The following CEP350 variants were observed in gnomAD, a reference collection of about 807,000 sequenced individuals.
CEP350 encodes centrosomal protein 350, also known as centrosome-associated protein 350.
CEP350 carries 126 observed loss-of-function variants against 331.8 expected under a neutral mutation model. The observed-to-expected ratio is 0.38, with a 90% CI of 0.33 to 0.44. CEP350 has a LOEUF of 0.44. Among genes scored for constraint, CEP350 ranks in the 20% least tolerant of loss-of-function variants. The pLI is 1.00. For synonymous variants in CEP350, 1,200 were observed against 1,259.5 expected (o/e 0.95, Z 1.00); for missense variants, 3,406 against 3,634.6 (o/e 0.94, Z 1.62).
Position 180,053,876 on chromosome 1 carries a change from GA to G in CEP350, c.5120del (p.Lys1707ArgfsTer3). ...CCAGTCTTCACTCCTGCGTCTCCGTGAAAAGGCCTTGAAGGAGAAGACTAAG... is the reference window on the plus strand; with the variant it reads ...CCAGTCTTCACTCCTGCGTCTCCGTGAAAGGCCTTGAAGGAGAAGACTAAG... ...AHQSSLLRLR[E>X]KALKEKTKAE... is the part of the protein sequence containing the mutation. On this transcript the variant is annotated frameshift_variant, in exon 24 of 38. Coordinates refer to ENST00000367607, the MANE Select transcript of CEP350 (RefSeq NM_014810.5). LOFTEE classifies it high-confidence loss of function. 6.2e-7 allele frequency: 1 copy of G among 1,611,488 alleles called. No homozygotes were observed. The highest frequency in any genetic ancestry group is 8.5e-7 in the Non-Finnish European group (1 of 1,178,342).
At chr1:179,965,432 A>G (rs1032450077) in intron 1 of CEP350, among the ~76,000 whole-genome samples, 4 of 152,078 alleles carry the variant, frequency 2.6e-5, no homozygotes, top group Non-Finnish European at 5.9e-5. Flanking sequence ...GTCTAAGTCC[A>G]GAGTTTCTTT....
At chr1:180,026,605 C>T (rs191809318) in intron 14 of CEP350, among the ~76,000 whole-genome samples, 86 of 152,308 alleles carry the variant, frequency 5.6e-4, no homozygotes, top group Non-Finnish European at 7.6e-4. Flanking sequence ...ACTCTGTATC[C>T]ATTAAATAAT....
intron 33 of CEP350, among the ~76,000 whole-genome samples, chr1:180,092,040 C>A (rs1038662692): frequency 6.3e-5 from 5 of 79,706 alleles, no homozygotes; most frequent in African/African-American, 1.6e-4. Flanking sequence ...CAGATTCTTG[C>A]TCTTACAAAA....
chr1:180,090,649 C>A, intron 32 of CEP350, 65 bp from the exon 33 acceptor site: 1 of 1,401,890 alleles, frequency 7.1e-7, no homozygotes, highest in South Asian at 1.5e-5. Flanking sequence ...CTAAGAATGT[C>A]TGCTTTTTGT....
At chr1:180,055,001 C>G (rs1456029220) in intron 25 of CEP350, among the ~76,000 whole-genome samples, 1 of 152,162 alleles carries the variant, frequency 6.6e-6, no homozygotes, top group African/African-American at 2.4e-5. Context: ...AAAATCCCAA[C>G]TTTACCAGTT....
At chr1:180,016,665 T>TTTC (rs1654999315) in intron 11 of CEP350, among the ~76,000 whole-genome samples, 1 of 150,120 alleles carries the variant, frequency 6.7e-6, no homozygotes, top group East Asian at 1.9e-4. Context: ...GTTATGTTTT[T>TTTC]TTTTTTTTTT....
At chr1:180,004,639 TATCAAG>T (rs1278165686) in intron 7 of CEP350, among the ~76,000 whole-genome samples, 1 of 152,252 alleles carries the variant, frequency 6.6e-6, no homozygotes, top group Non-Finnish European at 1.5e-5. Context: ...TGTCCCTATT[TATCAAG>T]ATCATCAGTG....
chr1:180,092,604 T>C lies in CEP350; in HGVS notation c.6509-10T>C, dbSNP rs1660264065. 6.7e-6 allele frequency: 10 copies of C among 1,483,866 alleles called. No homozygotes were observed. The highest frequency in any genetic ancestry group is 9.0e-6 in the Non-Finnish European group (10 of 1,113,540). The allele number at this position is 1,483,866 out of a possible 1,614,324, so 91.9% of individuals were successfully genotyped here. On this transcript the variant is annotated splice_polypyrimidine_tract_variant and intron_variant, in intron 33 of 37. Coordinates refer to ENST00000367607, the MANE Select transcript of CEP350 (RefSeq NM_014810.5). Reference sequence around the variant, plus strand: ...ATAATTTTGATGTGGTGATTTGTTTTTTCTTTAAGATGCTTCACTGTCTGG... The same window carrying C: ...ATAATTTTGATGTGGTGATTTGTTTCTTCTTTAAGATGCTTCACTGTCTGG...
At chr1:180,025,890 A>G (rs1042082229) in intron 14 of CEP350, among the ~76,000 whole-genome samples, 3 of 152,202 alleles carry the variant, frequency 2.0e-5, no homozygotes, top group Admixed American at 6.5e-5. Flanking sequence ...TGTTCTGCAC[A>G]TGTATCCCAG....
At chr1:180,012,385 C>G (rs1654716014) in intron 9 of CEP350, among the ~76,000 whole-genome samples, 1 of 152,174 alleles carries the variant, frequency 6.6e-6, no homozygotes, top group Non-Finnish European at 1.5e-5. Flanking sequence ...CAGGTCCAAC[C>G]TGGTTCATCC....
rs1014505972 is a variant in CEP350 at position 180,048,660 on chromosome 1, G to T, written c.4747G>T (p.Asp1583Tyr). 3.7e-6 allele frequency: 6 copies of T among 1,612,698 alleles called. No homozygotes were observed. Among genetic ancestry groups the T allele is most frequent in the Non-Finnish European group, 3.4e-6 (4 of 1,179,158 alleles). ...IDEQVQTAAD[D>Y]SLRSDSVPSL... ...TGAACAGGTTCAGACTGCTGCAGAT[G>T]ATTCTCTACGAAGTGATAGTGTTCC... Residue 1583 changes from aspartate (D) to tyrosine (Y), a missense_variant, in exon 22 of 38, where the codon GAT (aspartate) becomes TAT (tyrosine). Coordinates refer to ENST00000367607, the MANE Select transcript of CEP350 (RefSeq NM_014810.5).
At chr1:180,080,017 A>G (rs1659463844) in intron 29 of CEP350, among the ~76,000 whole-genome samples, 1 of 152,232 alleles carries the variant, frequency 6.6e-6, no homozygotes, top group Non-Finnish European at 1.5e-5. Context: ...CCAAAGTCAC[A>G]GGGATAGGAA....
Position 180,048,557 on chromosome 1 carries a change from C to G in CEP350, c.4644C>G (p.Arg1548=). 1 of 1,606,090 alleles carries G rather than the reference C, an allele frequency of 6.2e-7. No homozygotes were observed. The highest frequency in any genetic ancestry group is 8.5e-7 in the Non-Finnish European group (1 of 1,175,898). The change falls in exon 22 of 38, where the codon CGC becomes CGG. Residue 1548 remains arginine, a synonymous_variant. Transcript: ENST00000367607. ...HDRRSSSGSS[R]QESPSVPSCK... ...AAAGAAGTAGCAGTGGTAGCAGCCG[C>G]CAAGAAAGTCCTTCAGTTCCATCTT...
intron 4 of CEP350, among the ~76,000 whole-genome samples, chr1:179,991,667 A>ATGTGTGTGTGTGTGTG (rs751570955): frequency 1.6e-4 from 14 of 90,210 alleles, no homozygotes; most frequent in East Asian, 1.1e-3. Context: ...ATATATATAT[A>ATGTGTGTGTGTGTGTG]TGTGTGTGTG....
intron 2 of CEP350, among the ~76,000 whole-genome samples, chr1:179,986,532 C>T (rs753334818): frequency 2.0e-5 from 3 of 151,958 alleles, no homozygotes; most frequent in Non-Finnish European, 4.4e-5. Context: ...GATATAGCCC[C>T]AATATAGTTA....
chr1:180,055,547 T>TA (rs1657772417), intron 25 of CEP350, among the ~76,000 whole-genome samples: 1 of 26,482 alleles, frequency 3.8e-5, no homozygotes, highest in Non-Finnish European at 1.0e-4. Context: ...GAATTCCATC[T>TA]TTTTTTTTTT....
chr1:180,069,327 T>C (rs1658747708), intron 27 of CEP350, among the ~76,000 whole-genome samples: 1 of 152,208 alleles, frequency 6.6e-6, no homozygotes, highest in Non-Finnish European at 1.5e-5. Context: ...CCAAAAGTAC[T>C]TATTATAGTG....
At chr1:180,027,120 T>G (rs1655728986) in intron 14 of CEP350, among the ~76,000 whole-genome samples, 1 of 152,218 alleles carries the variant, frequency 6.6e-6, no homozygotes, top group Non-Finnish European at 1.5e-5. Context: ...CACTTTATAT[T>G]TTCTGCTTTT....
intron 1 of CEP350, among the ~76,000 whole-genome samples, chr1:179,972,472 T>A (rs1297532183): frequency 6.6e-6 from 1 of 151,914 alleles, no homozygotes; most frequent in East Asian, 1.9e-4. Flanking sequence ...TGGAGTGTAG[T>A]GTATAGAAGT....
Sources: allele counts gnomAD v4.1 joint callset (sites outside exome capture counted in the v4.1 genomes callset), GRCh38; gene constraint gnomAD v4.1.1; transcripts MANE v1.5; gene names NCBI Gene and HGNC (gene_info 2026-07-23, HGNC 2026-07-21).